Variants in PCDHA4 observed in about 807,000 individuals in gnomAD.
PCDHA4 encodes protocadherin alpha-4.
In PCDHA4, 49 loss-of-function variants were observed where a neutral mutation model predicts 61.4. The ratio of observed to expected loss-of-function variants is 0.80; its 90% CI spans 0.63 to 1.01. The LOEUF (loss-of-function observed/expected upper bound fraction) is 1.01. Ranked by LOEUF, PCDHA4 falls within the 50% of genes least tolerant of loss-of-function variation. The pLI is 0.00. For missense variants in PCDHA4, 1,254 were observed against 1,235.8 expected, an observed-to-expected ratio of 1.01 and a Z score of -0.22; for synonymous variants, 590 against 550.3, an observed-to-expected ratio of 1.07 and a Z score of -1.01.
At chr5:140,993,543 G>C (rs1263683239) in intron 3 of PCDHA4, among the ~76,000 whole-genome samples, 1 of 151,590 alleles carries the variant, frequency 6.6e-6, no homozygotes, top group Non-Finnish European at 1.5e-5. Context: ...GAGAGATAGA[G>C]AAGTGAAGTA....
chr5:140,892,901 C>G (rs994625869), intron 1 of PCDHA4, among the ~76,000 whole-genome samples: 1 of 152,196 alleles, frequency 6.6e-6, no homozygotes, highest in African/African-American at 2.4e-5. Flanking sequence ...CTTTCCCCAT[C>G]CTCCTTTTCC....
intron 1 of PCDHA4, chr5:140,867,891 G>C (rs1468636250): frequency 1.3e-5 from 2 of 152,016 alleles, no homozygotes; most frequent in African/African-American, 4.8e-5. Flanking sequence ...CACAATATCA[G>C]GTACTTACAG....
At chr5:140,856,660 T>A in intron 1 of PCDHA4, 1 of 1,597,974 alleles carries the variant, frequency 6.3e-7, no homozygotes, top group South Asian at 1.1e-5. Flanking sequence ...GTGAAGAAAA[T>A]CCTCAGCTAA....
Position 141,002,363 on chromosome 5 carries a change from A to G in PCDHA4, c.2534-7264A>G, listed in dbSNP as rs75749580. On this transcript the variant is annotated intron_variant, in intron 3 of 3. Transcript: ENST00000530339. ...CCTTCCCCCACCTCCACTCCTTTCAACTCATTCTGGCTTAGGGCTCCTGCT... is the reference window on the plus strand; with the variant it reads ...CCTTCCCCCACCTCCACTCCTTTCAGCTCATTCTGGCTTAGGGCTCCTGCT... Among the ~76,000 whole-genome samples, 567 of 152,272 alleles carry G rather than the reference A, an allele frequency of 3.7e-3. 5 individuals are homozygous for G. Among genetic ancestry groups the G allele is most frequent in the African/African-American group, 0.013 (537 of 41,558 alleles).
At chr5:140,818,063 C>A (rs1766273892) in intron 1 of PCDHA4, among the ~76,000 whole-genome samples, 1 of 152,130 alleles carries the variant, frequency 6.6e-6, no homozygotes, top group Admixed American at 6.6e-5. Context: ...TTTAATCTCG[C>A]TTGCAGTTTT....
intron 1 of PCDHA4, among the ~76,000 whole-genome samples, chr5:140,964,205 T>C (rs1483183685): frequency 6.6e-6 from 1 of 152,212 alleles, no homozygotes; most frequent in Admixed American, 6.5e-5. Context: ...TACCATCTCT[T>C]TAGTACAATG....
intron 1 of PCDHA4, chr5:140,829,605 C>G (rs2150171072): frequency 9.9e-6 from 16 of 1,611,986 alleles, no homozygotes; most frequent in Non-Finnish European, 1.2e-5. Context: ...CGCGCGTTGT[C>G]GAGCTACATT....
At chr5:141,008,985 A>G (rs566679512) in intron 3 of PCDHA4, among the ~76,000 whole-genome samples, 2 of 152,240 alleles carry the variant, frequency 1.3e-5, no homozygotes, top group South Asian at 4.1e-4. Context: ...AGTTTAATCT[A>G]GACACTAAAA....
intron 1 of PCDHA4, chr5:140,823,759 G>GCCACAT: frequency 6.2e-7 from 1 of 1,613,910 alleles, no homozygotes; most frequent in Non-Finnish European, 8.5e-7. Flanking sequence ...GACAGCCACA[G>GCCACAT]CCACAGTGCT....
intron 1 of PCDHA4, chr5:140,829,787 C>T: frequency 6.2e-7 from 1 of 1,613,830 alleles, no homozygotes; most frequent in Non-Finnish European, 8.5e-7. Context: ...GCCGGCGCTG[C>T]TGGCGCCTCG....
intron 1 of PCDHA4, among the ~76,000 whole-genome samples, chr5:140,897,646 C>T (rs1336141431): frequency 1.3e-5 from 2 of 152,128 alleles, no homozygotes; most frequent in African/African-American, 4.8e-5. Flanking sequence ...CCACAATAAA[C>T]ATACGTGTGC....
intron 1 of PCDHA4, chr5:140,830,967 T>C (rs1771307756): frequency 6.6e-6 from 1 of 152,346 alleles, no homozygotes; most frequent in Non-Finnish European, 1.5e-5. Flanking sequence ...TTTTATCCAT[T>C]TTGTGTAAGA....
In PCDHA4 at chr5:140,929,128, A is replaced by G. The variant is rs142487298; in HGVS notation, c.2386-49821A>G. On this transcript the variant is annotated intron_variant, in intron 1 of 3. Transcript: ENST00000530339. Reference sequence around the variant, plus strand: ...GACATCAGCCACCATAGATGTCACTACAGTTGAGAGACTTTCTCAGACTTA... The same window carrying G: ...GACATCAGCCACCATAGATGTCACTGCAGTTGAGAGACTTTCTCAGACTTA... The G allele has an allele frequency of 8.1e-6, 13 of 1,614,054 alleles. No individual in the cohort carries two copies. In the African/African-American group the frequency reaches 1.5e-4, roughly 18 times the overall value.
chr5:140,961,647 G>C (rs1204313600), intron 1 of PCDHA4, among the ~76,000 whole-genome samples: 10 of 152,104 alleles, frequency 6.6e-5, no homozygotes, highest in African/African-American at 2.4e-4. Flanking sequence ...AAGTCTATGT[G>C]GTTAGTTTGA....
chr5:140,899,609 A>G (rs898089235), intron 1 of PCDHA4, among the ~76,000 whole-genome samples: 12 of 152,104 alleles, frequency 7.9e-5, no homozygotes, highest in Non-Finnish European at 1.6e-4. Context: ...CTTTTGCATC[A>G]ATGTTCATCA....
intron 1 of PCDHA4, among the ~76,000 whole-genome samples, chr5:140,953,994 A>G (rs1464982369): frequency 6.6e-6 from 1 of 151,886 alleles, no homozygotes; most frequent in Non-Finnish European, 1.5e-5. Flanking sequence ...TTTCATGTGT[A>G]CTCATCATTC....
intron 1 of PCDHA4, chr5:140,926,630 C>T (rs754707244): frequency 6.0e-5 from 25 of 417,902 alleles, no homozygotes; most frequent in Non-Finnish European, 3.3e-5. Context: ...CGGCGCTGCG[C>T]TCCTCAACAC....
chr5:140,855,718 G>T (rs1468611504), intron 1 of PCDHA4, among the ~76,000 whole-genome samples: 1 of 149,568 alleles, frequency 6.7e-6, no homozygotes, highest in Non-Finnish European at 1.5e-5. Flanking sequence ...AACATTTATT[G>T]TTATTAACTA....
chr5:140,825,728 AT>A (rs1436730306), intron 1 of PCDHA4: 1 of 152,384 alleles, frequency 6.6e-6, no homozygotes, highest in Non-Finnish European at 1.5e-5. Context: ...GGCCTAAATT[AT>A]TATATTGATG....
Sources: gnomAD v4.1 joint callset for allele counts (sites outside exome capture counted in the v4.1 genomes callset) on GRCh38, gnomAD v4.1.1 for gene constraint, MANE v1.5 for transcripts, NCBI Gene and HGNC (gene_info 2026-07-23, HGNC 2026-07-21) for gene names.